Variants in ANK2 observed in about 807,000 individuals in gnomAD.
ANK2 encodes the protein ankyrin 2, also known as ankyrin-2.
A neutral mutation model predicts 360.5 loss-of-function variants in ANK2; 83 were observed. The ratio of observed to expected loss-of-function variants is 0.23; its 90% CI spans 0.19 to 0.28. ANK2 has a LOEUF of 0.28. Ranked by LOEUF, ANK2 falls within the 10% of genes least tolerant of loss-of-function variation. The probability of loss-of-function intolerance (pLI) is 1.00; values close to 1 mark genes in which losing one functional copy is unlikely to be tolerated. For synonymous variants in ANK2, 1,740 were observed against 1,759.5 expected (o/e 0.99, Z 0.28); for missense variants, 4,201 against 4,795.7 (o/e 0.88, Z 3.66).
intron 1 of ANK2, among the ~76,000 whole-genome samples, chr4:113,080,067 T>C (rs1170160928): frequency 6.6e-6 from 1 of 151,980 alleles, no homozygotes; most frequent in African/African-American, 2.4e-5. Flanking sequence ...CATGGCTAAT[T>C]TTTGTATTTT....
chr4:113,143,611 T>C (rs1056712590), intron 1 of ANK2, among the ~76,000 whole-genome samples: 2 of 152,208 alleles, frequency 1.3e-5, no homozygotes, highest in Admixed American at 1.3e-4. Context: ...TGCATCTCTT[T>C]CAATAGCTGG....
chr4:112,960,016 A>T (rs916844928), intron 2 of ANK2, among the ~76,000 whole-genome samples: 4 of 152,230 alleles, frequency 2.6e-5, no homozygotes, highest in African/African-American at 7.2e-5. Flanking sequence ...TGATGAGCCC[A>T]TCATTGTGGT....
In ANK2 at chr4:113,358,092, G is replaced by A. The variant is rs145111737; in HGVS notation, c.9474G>A (p.Pro3158=). The A allele has an allele frequency of 2.9e-5, 47 of 1,613,964 alleles. No individual in the cohort carries two copies. Among genetic ancestry groups the A allele is most frequent in the South Asian group, 9.9e-5 (9 of 91,088 alleles). Residue 3158 remains proline, a synonymous_variant, in exon 38 of 46, where the codon CCG becomes CCA. Transcript: ENST00000357077. ...GGGCTACTGGGGCTGATCCCCTACC[G>A]CTGGAGACATCAGCTGAATCACTAG... is the stretch of plus-strand genomic sequence containing the variant. ...KEGATGADPL[P]LETSAESLAL...
At chr4:113,349,133 G>T (rs1169717037) in intron 36 of ANK2, among the ~76,000 whole-genome samples, 1 of 152,052 alleles carries the variant, frequency 6.6e-6, no homozygotes, top group East Asian at 1.9e-4. Context: ...CATTATTGAT[G>T]AAGAAAGCAA....
At chr4:113,248,460 G>T (rs183633591) in intron 9 of ANK2, among the ~76,000 whole-genome samples, 3 of 152,028 alleles carry the variant, frequency 2.0e-5, no homozygotes, top group Non-Finnish European at 4.4e-5. Context: ...GAGGTCTCTC[G>T]AAGTCCTTTT....
chr4:113,232,779 A>C (rs952398997), intron 5 of ANK2, among the ~76,000 whole-genome samples: 1 of 152,238 alleles, frequency 6.6e-6, no homozygotes, highest in African/African-American at 2.4e-5. Context: ...TAGAATGTTC[A>C]AAATCAGTCT....
chr4:112,896,479 G>C (rs988719463), intron 1 of ANK2, among the ~76,000 whole-genome samples: 1 of 152,160 alleles, frequency 6.6e-6, no homozygotes, highest in Non-Finnish European at 1.5e-5. Context: ...AGAACAAAAA[G>C]AGAAGGGAGA....
intron 1 of ANK2, among the ~76,000 whole-genome samples, chr4:113,050,481 C>T (rs2066470436): frequency 6.6e-6 from 1 of 152,086 alleles, no homozygotes. Flanking sequence ...GCATACATTC[C>T]CACACCCTCG....
At chr4:113,102,848 A>C (rs2093094281) in intron 1 of ANK2, among the ~76,000 whole-genome samples, 1 of 152,148 alleles carries the variant, frequency 6.6e-6, no homozygotes, top group Admixed American at 6.6e-5. Context: ...CTTTTGTTCC[A>C]GGACTAACTT....
chr4:112,837,201 A>G (rs989537176), intron 1 of ANK2, among the ~76,000 whole-genome samples: 5 of 152,234 alleles, frequency 3.3e-5, no homozygotes, highest in African/African-American at 1.2e-4. Context: ...AAGGGGGCCC[A>G]TGTACAGCTC....
At chr4:113,280,548 CT>C (rs2061900856) in intron 17 of ANK2, among the ~76,000 whole-genome samples, 1 of 152,182 alleles carries the variant, frequency 6.6e-6, no homozygotes, top group African/African-American at 2.4e-5. Flanking sequence ...CCACTGTAGT[CT>C]CCACTTTAGA....
the ANK2 span, among the ~76,000 whole-genome samples, chr4:112,710,179 T>G: frequency 6.6e-6 from 1 of 152,164 alleles, no homozygotes; most frequent in Non-Finnish European, 1.5e-5. Context: ...GTTAGGAAAT[T>G]GGAAGTTAGG....
intron 2 of ANK2, among the ~76,000 whole-genome samples, chr4:112,984,477 AG>A (rs1258663971): frequency 6.6e-6 from 1 of 152,196 alleles, no homozygotes; most frequent in Non-Finnish European, 1.5e-5. Flanking sequence ...TACTATCACA[AG>A]AATAGCATGG....
intron 13 of ANK2, among the ~76,000 whole-genome samples, chr4:113,263,936 T>C (rs2054464230): frequency 6.6e-6 from 1 of 152,228 alleles, no homozygotes; most frequent in East Asian, 1.9e-4. Flanking sequence ...GAAAATTCTC[T>C]TAATCAAACC....
chr4:113,098,542 GT>G (rs1479914773), intron 1 of ANK2, among the ~76,000 whole-genome samples: 2 of 151,954 alleles, frequency 1.3e-5, no homozygotes, highest in Non-Finnish European at 2.9e-5. Flanking sequence ...CAAATCAATG[GT>G]TAATAACCTT....
intron 26 of ANK2, among the ~76,000 whole-genome samples, chr4:113,322,960 A>G (rs1408955426): frequency 6.6e-6 from 1 of 152,100 alleles, no homozygotes; most frequent in Non-Finnish European, 1.5e-5. Flanking sequence ...GTTTTTTCAT[A>G]ATAAGTAGCA....
chr4:113,268,778 G>A (rs187266640), intron 14 of ANK2, among the ~76,000 whole-genome samples: 156 of 152,240 alleles, frequency 1.0e-3, no homozygotes, highest in African/African-American at 3.5e-3. Flanking sequence ...GAGTTATGGA[G>A]GAGTCTCTCT....
the ANK2 span, among the ~76,000 whole-genome samples, chr4:112,806,012 AC>A: frequency 6.6e-6 from 1 of 152,204 alleles, no homozygotes. Context: ...CATCAGAGTA[AC>A]CAGGGTATTC....
intron 1 of ANK2, among the ~76,000 whole-genome samples, chr4:113,068,758 G>T (rs595091): frequency 0.98 from 149,858 of 152,270 alleles, 73,753 homozygotes; most frequent in Middle Eastern, 1. Flanking sequence ...GATGTTAGAC[G>T]GAACAGATTA....
Sources: gnomAD v4.1 joint callset for allele counts (sites outside exome capture counted in the v4.1 genomes callset) on GRCh38, gnomAD v4.1.1 for gene constraint, MANE v1.5 for transcripts, NCBI Gene and HGNC (gene_info 2026-07-23, HGNC 2026-07-21) for gene names.